SLC39A11: variants seen among roughly 807,000 people sequenced by gnomAD.
SLC39A11 encodes the protein solute carrier family 39 member 11.
A neutral mutation model predicts 36.1 loss-of-function variants in SLC39A11; 33 were observed. That is an observed-to-expected ratio of 0.91 (90% CI 0.69 to 1.22). SLC39A11 has a LOEUF of 1.22. Ranked by LOEUF, SLC39A11 falls within the 50% of genes most tolerant of loss-of-function variation. The pLI is 0.00. For missense variants in SLC39A11, 432 were observed against 430.3 expected (o/e 1.00, Z -0.03); for synonymous variants, 166 against 170.3 (o/e 0.97, Z 0.20).
intron 3 of SLC39A11, among the ~76,000 whole-genome samples, chr17:73,056,032 G>A (rs776757117): frequency 1.3e-5 from 2 of 152,142 alleles, no homozygotes; most frequent in Non-Finnish European, 2.9e-5. Context: ...GCCCACTATG[G>A]GGCACAGAGG....
At chr17:72,809,645 G>A (rs938865250) in intron 6 of SLC39A11, among the ~76,000 whole-genome samples, 3 of 152,186 alleles carry the variant, frequency 2.0e-5, no homozygotes, top group African/African-American at 7.2e-5. Flanking sequence ...GTCCAAAAGA[G>A]AGAGACTCTT....
chr17:72,831,485 C>T (rs1285004988), intron 6 of SLC39A11, among the ~76,000 whole-genome samples: 2 of 152,194 alleles, frequency 1.3e-5, no homozygotes, highest in South Asian at 2.1e-4. Flanking sequence ...AATTATTTAT[C>T]TCCTGGTGAA....
intron 3 of SLC39A11, among the ~76,000 whole-genome samples, chr17:73,035,180 G>A (rs936565866): frequency 6.6e-6 from 1 of 152,152 alleles, no homozygotes; most frequent in Non-Finnish European, 1.5e-5. Context: ...GTCTCGTTCT[G>A]TCACCCAGGC....
intron 5 of SLC39A11, among the ~76,000 whole-genome samples, chr17:72,922,299 C>T (rs563623446): frequency 5.9e-5 from 9 of 152,348 alleles, no homozygotes; most frequent in Admixed American, 2.0e-4. Flanking sequence ...TGCTCTTTCA[C>T]CTACTTTATA....
intron 7 of SLC39A11, among the ~76,000 whole-genome samples, chr17:72,678,141 T>C (rs1195469167): frequency 6.6e-6 from 1 of 152,158 alleles, no homozygotes; most frequent in African/African-American, 2.4e-5. Flanking sequence ...AAGCTTCCCA[T>C]AAAGGGCTGC....
chr17:72,960,192 T>A (rs1284231698), intron 4 of SLC39A11, among the ~76,000 whole-genome samples: 1 of 152,198 alleles, frequency 6.6e-6, no homozygotes, highest in Non-Finnish European at 1.5e-5. Context: ...CATGGTCATA[T>A]TTATCCAGGG....
chr17:73,074,112 A>T (rs1256699197), intron 3 of SLC39A11, among the ~76,000 whole-genome samples: 1 of 151,990 alleles, frequency 6.6e-6, no homozygotes, highest in East Asian at 1.9e-4. Flanking sequence ...GGATTTAATT[A>T]TTGAGAAATA....
intron 5 of SLC39A11, among the ~76,000 whole-genome samples, chr17:72,916,108 C>A (rs2083316182): frequency 6.6e-6 from 1 of 152,192 alleles, no homozygotes; most frequent in Non-Finnish European, 1.5e-5. Context: ...TGCTGGAGTT[C>A]ACTGCATTTG....
chr17:72,783,493 A>C (rs536863546), intron 6 of SLC39A11, among the ~76,000 whole-genome samples: 1 of 152,344 alleles, frequency 6.6e-6, no homozygotes, highest in African/African-American at 2.4e-5. Flanking sequence ...CAAAGTCTGA[A>C]CATGCTGAGT....
chr17:72,848,624 G>T (rs1315298664), intron 6 of SLC39A11, among the ~76,000 whole-genome samples: 1 of 151,744 alleles, frequency 6.6e-6, no homozygotes, highest in Non-Finnish European at 1.5e-5. Context: ...AAGAGGCTGT[G>T]GCAGGAGAAT....
At chr17:72,706,460 TA>T (rs1315634924) in intron 7 of SLC39A11, among the ~76,000 whole-genome samples, 1 of 152,166 alleles carries the variant, frequency 6.6e-6, no homozygotes, top group Non-Finnish European at 1.5e-5. Context: ...GCCAACTCTG[TA>T]GTGTTCCTAA....
intron 5 of SLC39A11, among the ~76,000 whole-genome samples, chr17:72,867,576 G>A (rs1043637901): frequency 6.6e-5 from 10 of 151,998 alleles, no homozygotes; most frequent in African/African-American, 1.9e-4. Flanking sequence ...TTAATAAAGC[G>A]TAAGGGGGAT....
intron 5 of SLC39A11, among the ~76,000 whole-genome samples, chr17:72,899,814 T>C (rs1218669578): frequency 1.3e-5 from 2 of 151,786 alleles, no homozygotes; most frequent in African/African-American, 4.8e-5. Context: ...ATACAAAAGT[T>C]AGCCGGGCGT....
chr17:72,648,354 CA>C (rs1162270653), intron 9 of SLC39A11, among the ~76,000 whole-genome samples: 1 of 39,566 alleles, frequency 2.5e-5, no homozygotes, highest in African/African-American at 6.5e-5. Context: ...AAAAGAAAAA[CA>C]AAACAAAACA....
At chr17:72,765,575 G>C (rs113611386) in intron 6 of SLC39A11, among the ~76,000 whole-genome samples, 3,190 of 152,228 alleles carry the variant, frequency 0.021, 114 homozygotes, top group African/African-American at 0.073. Flanking sequence ...CTATAAATCT[G>C]CCTGGGGGTA....
intron 5 of SLC39A11, among the ~76,000 whole-genome samples, chr17:72,907,496 T>TCAAA (rs141739548): frequency 6.6e-6 from 1 of 152,052 alleles, no homozygotes; most frequent in African/African-American, 2.4e-5. Flanking sequence ...AGACTCCAAC[T>TCAAA]CAAACAAACA....
intron 7 of SLC39A11, among the ~76,000 whole-genome samples, chr17:72,732,046 T>TTTTTTTTTC (rs2074249073): frequency 2.1e-5 from 2 of 96,764 alleles, no homozygotes; most frequent in Non-Finnish European, 4.4e-5. Context: ...TTTTCTTTTT[T>TTTTTTTTTC]TTTTTTTTTT....
At chr17:73,067,122 T>C (rs1340048683) in intron 3 of SLC39A11, among the ~76,000 whole-genome samples, 1 of 152,256 alleles carries the variant, frequency 6.6e-6, no homozygotes, top group Non-Finnish European at 1.5e-5. Flanking sequence ...CTAGGCTGTG[T>C]GGCCACAAGA....
chr17:72,887,798 A>C (rs1165232639), intron 5 of SLC39A11, among the ~76,000 whole-genome samples: 2 of 152,164 alleles, frequency 1.3e-5, no homozygotes, highest in Non-Finnish European at 2.9e-5. Flanking sequence ...CGAAAAAAAA[A>C]ATTGCTTATT....
Sources: gnomAD v4.1 joint callset for allele counts (sites outside exome capture counted in the v4.1 genomes callset) on GRCh38, gnomAD v4.1.1 for gene constraint, MANE v1.5 for transcripts, NCBI Gene and HGNC (gene_info 2026-07-23, HGNC 2026-07-21) for gene names.